Variants in ULK4 observed in about 807,000 individuals in gnomAD.
ULK4 encodes inactive serine/threonine-protein kinase ULK4.
Under a neutral mutation model 160.6 loss-of-function variants are expected in ULK4, and 133 were observed. The ratio of observed to expected loss-of-function variants is 0.83; its 90% CI spans 0.72 to 0.96. The LOEUF is 0.96. Ranked by LOEUF, ULK4 falls within the 40% of genes least tolerant of loss-of-function variation. The probability of loss-of-function intolerance (pLI) is 0.00; values close to 1 mark genes in which losing one functional copy is unlikely to be tolerated. For synonymous variants in ULK4, 534 were observed against 539.8 expected, an observed-to-expected ratio of 0.99 and a Z score of 0.15; for missense variants, 1,580 against 1,499.5, an observed-to-expected ratio of 1.05 and a Z score of -0.89.
At chr3:41,705,548 G>A (rs1411185142) in intron 25 of ULK4, among the ~76,000 whole-genome samples, 1 of 151,754 alleles carries the variant, frequency 6.6e-6, no homozygotes, top group Non-Finnish European at 1.5e-5. Context: ...CCAGGCTGGA[G>A]TGCAGTGGCC....
intron 18 of ULK4, 84 bp from the exon 19 acceptor site, chr3:41,819,590 A>T (rs1482606688): frequency 4.2e-6 from 5 of 1,185,406 alleles, no homozygotes; most frequent in Non-Finnish European, 6.1e-6. Flanking sequence ...CACAGCTCCA[A>T]GTATACAAAC....
At chr3:41,923,037 G>A (rs1340391587) in intron 5 of ULK4, among the ~76,000 whole-genome samples, 1 of 151,352 alleles carries the variant, frequency 6.6e-6, no homozygotes, top group African/African-American at 2.4e-5. Flanking sequence ...AGTCAGGCAT[G>A]GTGGCAGGCA....
chr3:41,484,318 C>T (rs1168598201), intron 32 of ULK4, among the ~76,000 whole-genome samples: 15 of 151,952 alleles, frequency 9.9e-5, no homozygotes, highest in Admixed American at 7.2e-4. Context: ...TTTTATAAAT[C>T]GGCTCATTTT....
intron 35 of ULK4, among the ~76,000 whole-genome samples, chr3:41,288,793 G>A (rs999541109): frequency 2.6e-5 from 4 of 152,158 alleles, no homozygotes; most frequent in East Asian, 1.9e-4. Flanking sequence ...AGAAAGGCCC[G>A]CTCAAGGACC....
At chr3:41,774,365 C>G (rs1348650472) in intron 21 of ULK4, among the ~76,000 whole-genome samples, 2 of 150,366 alleles carry the variant, frequency 1.3e-5, no homozygotes, top group African/African-American at 5.0e-5. Context: ...TGAACTCAAA[C>G]AAATTTACAA....
chr3:41,807,511 A>G (rs2040685724), intron 19 of ULK4, among the ~76,000 whole-genome samples: 1 of 152,178 alleles, frequency 6.6e-6, no homozygotes, highest in Admixed American at 6.6e-5. Context: ...TGCTAGTTAT[A>G]TATCCTTCAC....
At chr3:41,480,082 C>T (rs187317076) in intron 32 of ULK4, among the ~76,000 whole-genome samples, 112 of 151,996 alleles carry the variant, frequency 7.4e-4, no homozygotes, top group African/African-American at 2.6e-3. Flanking sequence ...TGGCGGGCGC[C>T]TGTAGTCCCA....
At chr3:41,757,449 A>G (rs7616123) in intron 21 of ULK4, among the ~76,000 whole-genome samples, 45,481 of 151,326 alleles carry the variant, frequency 0.3, 9,737 homozygotes, top group African/African-American at 0.61. Context: ...TGGCTAACAC[A>G]GTGAAACCCC....
intron 34 of ULK4, among the ~76,000 whole-genome samples, chr3:41,449,664 C>T (rs1217392563): frequency 6.6e-6 from 1 of 151,968 alleles, no homozygotes; most frequent in African/African-American, 2.4e-5. Context: ...AGTACAAGTC[C>T]ACCACCATTT....
intron 35 of ULK4, among the ~76,000 whole-genome samples, chr3:41,389,481 C>T (rs1318337327): frequency 1.3e-5 from 2 of 152,132 alleles, no homozygotes; most frequent in Non-Finnish European, 2.9e-5. Flanking sequence ...CAGTTTTTGC[C>T]CATTCAGCAT....
chr3:41,698,679 A>C (rs1427845352), intron 27 of ULK4, among the ~76,000 whole-genome samples: 5 of 152,166 alleles, frequency 3.3e-5, no homozygotes, highest in Non-Finnish European at 7.3e-5. Context: ...GTAAATTTTT[A>C]ATTCACAAAT....
chr3:41,463,884 T>TATATTGTTATTATATATTGTTA (rs1442427208), intron 32 of ULK4, among the ~76,000 whole-genome samples: 1 of 152,082 alleles, frequency 6.6e-6, no homozygotes, highest in Non-Finnish European at 1.5e-5. Context: ...TTTTATCCTA[T>TATATTGTTATTATATATTGTTA]TATATAGTGT....
At chr3:41,810,507 G>T (rs2040788856) in intron 19 of ULK4, among the ~76,000 whole-genome samples, 1 of 152,094 alleles carries the variant, frequency 6.6e-6, no homozygotes, top group African/African-American at 2.4e-5. Flanking sequence ...CTATTTCTCT[G>T]TCTCTTTCTT....
chr3:41,519,731 T>C (rs1248021885), intron 32 of ULK4, among the ~76,000 whole-genome samples: 2 of 152,248 alleles, frequency 1.3e-5, no homozygotes, highest in Non-Finnish European at 2.9e-5. Flanking sequence ...AACTTTAATA[T>C]ATCTTTTACC....
rs577892097 is a variant in ULK4 at position 41,405,312 on chromosome 3, C to CT, written c.3493-7049dup. On this transcript the variant is annotated intron_variant, in intron 34 of 36. Coordinates refer to ENST00000301831, the MANE Select transcript of ULK4 (RefSeq NM_017886.4). ...TTGCTGCAAAGGACATAATTTCATT[C>CT]TTTTTTATGGATGTGTATTATTTTA... Among the ~76,000 whole-genome samples the CT allele has an allele frequency of 4.7e-4, 72 of 152,208 alleles. 1 individual carries two copies. In the South Asian group the frequency reaches 0.015, roughly 32 times the overall value.
intron 31 of ULK4, among the ~76,000 whole-genome samples, chr3:41,574,531 CTTTTTTTTTTTTTTTTTT>C (rs568406782): frequency 1.1e-5 from 1 of 92,148 alleles, no homozygotes; most frequent in Non-Finnish European, 2.2e-5. Flanking sequence ...CCAGAGTCCT[CTTTTTTTTTTTTTTTTTT>C]TTTTTTTTTT....
chr3:41,681,944 A>G (rs2035938036), intron 27 of ULK4, 140 bp from the exon 28 acceptor site: 2 of 792,738 alleles, frequency 2.5e-6, no homozygotes, highest in Admixed American at 2.8e-5. Context: ...CTGGATTTAA[A>G]CTCTCCATGA....
chr3:41,659,011 A>G (rs567520103), intron 30 of ULK4, among the ~76,000 whole-genome samples: 2 of 152,366 alleles, frequency 1.3e-5, no homozygotes, highest in Admixed American at 1.3e-4. Flanking sequence ...ATAGTAGTTT[A>G]CATAATTGTG....
intron 34 of ULK4, among the ~76,000 whole-genome samples, chr3:41,437,079 T>C (rs1461180852): frequency 1.3e-5 from 2 of 152,164 alleles, no homozygotes; most frequent in African/African-American, 4.8e-5. Flanking sequence ...ATAGTCAATT[T>C]ATTGCCACAG....
Sources: allele counts gnomAD v4.1 joint callset (sites outside exome capture counted in the v4.1 genomes callset), GRCh38; gene constraint gnomAD v4.1.1; transcripts MANE v1.5; gene names NCBI Gene and HGNC (gene_info 2026-07-23, HGNC 2026-07-21).